KHNYN: variants seen among roughly 807,000 people sequenced by gnomAD.
KHNYN encodes protein KHNYN.
A neutral mutation model predicts 62.7 loss-of-function variants in KHNYN; 42 were observed. The observed-to-expected ratio is 0.67, with a 90% CI of 0.52 to 0.87. The LOEUF is 0.87. Ranked by LOEUF, KHNYN falls within the 40% of genes least tolerant of loss-of-function variation. The pLI, the probability that KHNYN is intolerant of heterozygous loss-of-function variation, is 0.00. For synonymous variants in KHNYN, 347 were observed against 345.6 expected (o/e 1.00, Z -0.04); for missense variants, 829 against 874.1 (o/e 0.95, Z 0.65).
chr14:24,432,832 G>A lies in KHNYN; in HGVS notation c.1460G>A (p.Ser487Asn), dbSNP rs2043145106. The change falls in exon 4 of 8, where the codon AGT becomes AAT. Residue 487 changes from serine (S) to asparagine (N), a missense_variant. By Grantham distance (46) the Ser-to-Asn change is conservative (BLOSUM62 1). Coordinates refer to ENST00000553935, the MANE Select transcript of KHNYN (RefSeq NM_015299.3). This position sits in a 1 kb window ranked among gnomAD's most constrained non-coding sequence, Gnocchi z 5.6. ...GTCTTTGTGCCTCAGTGGCGCTTCA[G>A]TAAGGATGCCAAAGTCAGAGGTGAG... ...ITVFVPQWRF[S>N]KDAKVRESHF... 3.7e-6 allele frequency: 6 copies of A among 1,614,234 alleles called. No homozygotes were observed. The East Asian group carries it at 1.3e-4, about 36-fold the overall frequency.
Position 24,432,225 on chromosome 14 carries a change from C to T in KHNYN, c.964C>T (p.His322Tyr), listed in dbSNP as rs747962020. ...TCTGGGAGGAGGAGGGTTCTGTGTC[C>T]ACCGTGAGCCTCCCGGTGCCCATGG... is the stretch of plus-strand genomic sequence containing the variant. ...IALGGGGFCV[H>Y]REPPGAHGSC... The change falls in exon 3 of 8, where the codon CAC becomes TAC. Residue 322 changes from histidine (H) to tyrosine (Y), a missense_variant. Around this residue, in one of 2 missense-constraint regions of KHNYN, gnomAD observed 559 missense variants for 527.0 expected, o/e 1.06. Coordinates refer to ENST00000553935, the MANE Select transcript of KHNYN (RefSeq NM_015299.3). This position sits in a 1 kb window ranked among gnomAD's most constrained non-coding sequence, Gnocchi z 5.6. 4 of 1,604,058 alleles carry T rather than the reference C, an allele frequency of 2.5e-6. No homozygotes were observed. Among genetic ancestry groups the T allele is most frequent in the Non-Finnish European group, 2.6e-6 (3 of 1,174,234 alleles).
upstream of KHNYN, chr14:24,427,441 C>T: frequency 3.8e-6 from 1 of 260,488 alleles, no homozygotes; most frequent in Non-Finnish European, 7.5e-6. This position sits in a 1 kb window ranked among gnomAD's most constrained non-coding sequence, Gnocchi z 4.4. Flanking sequence ...TGTCCCTGAT[C>T]AGCATTGAGC....
At chr14:24,430,652 C>T in intron 1 of KHNYN, 62 bp from the exon 2 acceptor site, 3 of 1,522,282 alleles carry the variant, frequency 2.0e-6, no homozygotes, top group Non-Finnish European at 2.7e-6. Flanking sequence ...TGGTGTAGTC[C>T]CAGGAACCAG....
Position 24,436,078 on chromosome 14 carries a change from G to A in KHNYN, c.1584G>A (p.Met528Ile). The A allele has an allele frequency of 1.2e-6, 2 of 1,613,940 alleles. No homozygotes were observed. The highest frequency in any genetic ancestry group is 2.2e-5 in the East Asian group (1 of 44,890). ...GCTGTGGTTTTGGAGACAGGTTCAT[G>A]GTGAAGCTGGCTGAAGAGACAGATG... is the stretch of plus-strand genomic sequence containing the variant. ...KRISSYDDRF[M>I]VKLAEETDGI... The change falls in exon 6 of 8, where the codon ATG (methionine) becomes ATA (isoleucine). Residue 528 changes from methionine to isoleucine, a missense_variant. By Grantham distance (10) the Met-to-Ile change is conservative (BLOSUM62 1). Transcript: ENST00000553935.
At position 24,440,438 on chromosome 14, in the gene KHNYN, C is replaced by A. The variant is rs373631253; in HGVS notation, c.*3153C>A. ...GCCGATGGGGCCCCCCAGGCCCAGG[C>A]GAAAGGGCAGCAGCATGTGGCCCAT... is the stretch of plus-strand genomic sequence containing the variant. On this transcript the variant is annotated 3_prime_UTR_variant, in exon 8 of 8. Transcript: ENST00000553935. The A allele has an allele frequency of 8.7e-6, 14 of 1,611,864 alleles. No individual in the cohort carries two copies. Among genetic ancestry groups the A allele is most frequent in the Non-Finnish European group, 1.2e-5 (14 of 1,179,072 alleles).
upstream of KHNYN, chr14:24,428,505 G>A: frequency 7.0e-7 from 1 of 1,421,264 alleles, no homozygotes. Context: ...TGAATAGAAG[G>A]AGTGGCAAGT....
At chr14:24,426,955 G>A (rs2043026268), upstream of KHNYN, 1 of 152,428 alleles carries the variant, frequency 6.6e-6, no homozygotes, top group African/African-American at 2.4e-5. Context: ...AAACTTCAAA[G>A]GTGGAGCAGT....
chr14:24,429,442 AGT>A (rs1263514990), upstream of KHNYN: 19 of 511,070 alleles, frequency 3.7e-5, no homozygotes, highest in Non-Finnish European at 6.8e-5. Flanking sequence ...AGAATGTGTG[AGT>A]GTGTGCATAT....
upstream of KHNYN, chr14:24,429,412 G>A (rs1450721437): frequency 5.4e-6 from 3 of 559,072 alleles, no homozygotes; most frequent in Non-Finnish European, 1.0e-5. Context: ...AACATGGTAT[G>A]TGTGTGTGAC....
intron 1 of KHNYN, 68 bp from the exon 2 acceptor site, chr14:24,430,646 G>A (rs2043089747): frequency 6.6e-7 from 1 of 1,517,252 alleles, no homozygotes; most frequent in African/African-American, 1.4e-5. Flanking sequence ...GATAGCTGGT[G>A]TAGTCCCAGG....
chr14:24,431,376 C>A, intron 2 of KHNYN, 87 bp from the exon 3 acceptor site: 1 of 1,069,380 alleles, frequency 9.4e-7, no homozygotes, highest in Non-Finnish European at 1.4e-6. Flanking sequence ...TCCAGACATC[C>A]TGGAGCTCAG....
chr14:24,427,784 G>C, upstream of KHNYN: 1 of 1,613,310 alleles, frequency 6.2e-7, no homozygotes, highest in Non-Finnish European at 8.5e-7. The surrounding 1 kb of genome is among the most constrained non-coding windows in gnomAD (Gnocchi z 4.4). Flanking sequence ...GAAAGACTTG[G>C]GTCCTCAGAG....
intron 5 of KHNYN, chr14:24,433,982 A>C (rs899859044): frequency 4.3e-6 from 1 of 233,418 alleles, no homozygotes; most frequent in African/African-American, 2.3e-5. Flanking sequence ...GTTTTTCCAA[A>C]CCATAGTGAT....
chr14:24,440,951 C>A lies in KHNYN; in HGVS notation c.*3666C>A, dbSNP rs1377464500. On this transcript the variant is annotated 3_prime_UTR_variant, in exon 8 of 8. Transcript: ENST00000553935. The stretch of plus-strand genomic sequence containing the variant: ...GCTGCCGGTGGAACACAATCATTTG[C>A]CCTGGGTGTCCTTGGTCCTGCCTGG... 2 of 1,613,754 alleles carry A rather than the reference C, an allele frequency of 1.2e-6. No individual in the cohort carries two copies. Among genetic ancestry groups the A allele is most frequent in the South Asian group, 2.2e-5 (2 of 91,040 alleles).
rs1205019030 is a variant in KHNYN at position 24,432,891 on chromosome 14, C to G, written c.1480+39C>G. 2 of 1,614,222 alleles carry G rather than the reference C, an allele frequency of 1.2e-6. No homozygotes were observed. Among genetic ancestry groups the G allele is most frequent in the Non-Finnish European group, 1.7e-6 (2 of 1,180,038 alleles). On this transcript the variant is annotated intron_variant, in intron 4 of 7. Transcript: ENST00000553935. The surrounding 1 kb of genome is among the most constrained non-coding windows in gnomAD (Gnocchi z 5.6). ...GGTCTTCAGTGTCCCAGGATAGGCT[C>G]TGTTTCCACTTTGAGGAGAACCCTA...
At chr14:24,423,961 T>C in the KHNYN span, among the ~76,000 whole-genome samples, 1 of 152,252 alleles carries the variant, frequency 6.6e-6, no homozygotes, top group Non-Finnish European at 1.5e-5. Context: ...GAACACGATT[T>C]CTATAACCAG....
the KHNYN span, among the ~76,000 whole-genome samples, chr14:24,423,733 T>G: frequency 6.6e-6 from 1 of 152,336 alleles, no homozygotes; most frequent in East Asian, 1.9e-4. Flanking sequence ...GGCCATGGAT[T>G]TAGATCCACA....
upstream of KHNYN, chr14:24,426,996 G>T (rs2043026726): frequency 6.6e-6 from 1 of 152,194 alleles, no homozygotes; most frequent in South Asian, 2.1e-4. Context: ...GAGGATGCAT[G>T]GTTATCGATG....
chr14:24,436,930 C>A (rs534206109), intron 7 of KHNYN, 106 bp from the exon 8 acceptor site: 2 of 1,434,972 alleles, frequency 1.4e-6, no homozygotes, highest in East Asian at 2.3e-5. Flanking sequence ...CAGGATTTCT[C>A]CCCCAAAGCC....
Sources: gnomAD v4.1 joint callset for allele counts (sites outside exome capture counted in the v4.1 genomes callset) on GRCh38, gnomAD v4.1.1 for gene constraint, gnomAD v4.1.1 regional missense constraint, Gnocchi (gnomAD v3.1) non-coding constraint, MANE v1.5 for transcripts, NCBI Gene and HGNC (gene_info 2026-07-23, HGNC 2026-07-21) for gene names.